The following FARP1 variants were observed in gnomAD, a reference collection of about 807,000 sequenced individuals.
FARP1 encodes FERM, ARHGEF and pleckstrin domain-containing protein 1.
FARP1 carries 52 observed loss-of-function variants against 128.8 expected under a neutral mutation model. That is an observed-to-expected ratio of 0.40 (90% CI 0.32 to 0.51). The LOEUF (loss-of-function observed/expected upper bound fraction) is 0.51, where lower values mean the gene tolerates loss of function less well. FARP1 is among the 20% of genes least tolerant of loss of function. The pLI, the probability that FARP1 is intolerant of heterozygous loss-of-function variation, is 0.45. For synonymous variants in FARP1, 580 were observed against 551.8 expected, an observed-to-expected ratio of 1.05 and a Z score of -0.72; for missense variants, 1,333 against 1,367.9, an observed-to-expected ratio of 0.97 and a Z score of 0.40.
chr13:98,377,800 C>T, intron 5 of FARP1, 21 bp from the exon 6 acceptor site: 1 of 1,601,708 alleles, frequency 6.2e-7, no homozygotes, highest in Non-Finnish European at 8.6e-7. Context: ...GCCTGACGCC[C>T]AGCTCTGTTG....
At chr13:98,333,320 G>T (rs563529487) in intron 2 of FARP1, 3 of 152,070 alleles carry the variant, frequency 2.0e-5, no homozygotes, top group African/African-American at 7.2e-5. Context: ...AATTACTCAA[G>T]ATCAGGAGAT....
intron 1 of FARP1, among the ~76,000 whole-genome samples, chr13:98,178,104 C>G (rs998329809): frequency 6.6e-6 from 1 of 151,850 alleles, no homozygotes; most frequent in African/African-American, 2.4e-5. Flanking sequence ...AAAATATTAT[C>G]AAGCACTTAT....
chr13:98,196,339 C>T (rs1303303884), intron 1 of FARP1, among the ~76,000 whole-genome samples: 1 of 152,162 alleles, frequency 6.6e-6, no homozygotes, highest in Non-Finnish European at 1.5e-5. Flanking sequence ...GGTCCCATGT[C>T]TGCCACTTAC....
intron 1 of FARP1, among the ~76,000 whole-genome samples, chr13:98,151,659 T>C (rs546325726): frequency 1.1e-5 from 1 of 94,968 alleles, no homozygotes; most frequent in African/African-American, 3.4e-5. Context: ...ATATCTTCCA[T>C]CTTTTTTTTT....
chr13:98,373,356 A>C (rs2139994909), intron 5 of FARP1, among the ~76,000 whole-genome samples: 1 of 152,336 alleles, frequency 6.6e-6, no homozygotes, highest in South Asian at 2.1e-4. Context: ...TAAAACATGA[A>C]GCCCTCCTAT....
intron 2 of FARP1, among the ~76,000 whole-genome samples, chr13:98,275,127 T>G (rs1312842277): frequency 6.6e-6 from 1 of 152,226 alleles, no homozygotes; most frequent in African/African-American, 2.4e-5. Context: ...GGTCTGAGGC[T>G]GTGATTTCAC....
intron 2 of FARP1, among the ~76,000 whole-genome samples, chr13:98,238,574 T>A (rs1380703847): frequency 1.4e-4 from 21 of 152,134 alleles, no homozygotes; most frequent in Admixed American, 1.4e-3. Context: ...GAGAAAGGCA[T>A]GTCTTACGTG....
intron 13 of FARP1, chr13:98,398,149 C>G (rs1890627083): frequency 6.6e-6 from 1 of 152,176 alleles, no homozygotes; most frequent in Non-Finnish European, 1.5e-5. Context: ...TGATATCTGT[C>G]CACATGAATG....
In FARP1 at chr13:98,409,273, A is replaced by G. The variant is rs566021867; in HGVS notation, c.1415-65A>G. 44 of 1,284,712 alleles carry G rather than the reference A, an allele frequency of 3.4e-5. No homozygotes were observed. In the South Asian group the frequency reaches 6.0e-4, roughly 17 times the overall value. The allele number at this position is 1,284,712 out of a possible 1,614,324, so 79.6% of individuals were successfully genotyped here. On this transcript the variant is annotated intron_variant, in intron 13 of 26. Transcript: ENST00000319562. ...CGATTTGAAAAAGGTGAAAGTAGTG[A>G]ATAGAAATCAGGTCCCAGAAAAAAA...
chr13:98,228,208 G>T (rs1441894073), intron 2 of FARP1, among the ~76,000 whole-genome samples: 1 of 151,938 alleles, frequency 6.6e-6, no homozygotes, highest in Non-Finnish European at 1.5e-5. Context: ...AAAATACAAA[G>T]AATTAGCTGG....
chr13:98,324,743 C>T (rs1887158652), intron 2 of FARP1, among the ~76,000 whole-genome samples: 1 of 152,188 alleles, frequency 6.6e-6, no homozygotes, highest in Non-Finnish European at 1.5e-5. Context: ...CTCCTTTTCC[C>T]TTTCCCGTTT....
chr13:98,247,579 G>A (rs539892118), intron 2 of FARP1, among the ~76,000 whole-genome samples: 19 of 152,284 alleles, frequency 1.2e-4, no homozygotes, highest in East Asian at 9.7e-4. Flanking sequence ...GAGGGAAGAC[G>A]GAGAAGGATA....
At chr13:98,284,668 C>T (rs1447704212) in intron 2 of FARP1, among the ~76,000 whole-genome samples, 1 of 152,166 alleles carries the variant, frequency 6.6e-6, no homozygotes, top group Non-Finnish European at 1.5e-5. Flanking sequence ...TACTGACTCC[C>T]TTTGTCCCTC....
chr13:98,335,972 A>G (rs947316203), intron 2 of FARP1, among the ~76,000 whole-genome samples: 6 of 152,204 alleles, frequency 3.9e-5, no homozygotes, highest in African/African-American at 1.4e-4. Context: ...GGCTCTCTGT[A>G]ACCCCAGGAG....
At chr13:98,337,196 G>C (rs1411185868) in intron 2 of FARP1, among the ~76,000 whole-genome samples, 1 of 152,004 alleles carries the variant, frequency 6.6e-6, no homozygotes, top group African/African-American at 2.4e-5. Context: ...GCAAGACCTC[G>C]TCTCTACTAA....
At chr13:98,150,103 A>G (rs574305936) in intron 1 of FARP1, among the ~76,000 whole-genome samples, 18 of 150,936 alleles carry the variant, frequency 1.2e-4, no homozygotes, top group African/African-American at 3.9e-4. Context: ...CAGTGACACA[A>G]TCTTGGCGCA....
chr13:98,403,520 A>G (rs9513416), intron 13 of FARP1: 17,255 of 152,260 alleles, frequency 0.11, 1,229 homozygotes, highest in Middle Eastern at 0.17. Context: ...AGATATGTAG[A>G]TACGTGTGTG....
chr13:98,440,311 C>A (rs1892471620), intron 23 of FARP1, 76 bp downstream of exon 23: 9 of 1,060,720 alleles, frequency 8.5e-6, no homozygotes, highest in African/African-American at 4.7e-5. Flanking sequence ...TCTAAAGCCA[C>A]CCCATCGGGT....
intron 1 of FARP1, among the ~76,000 whole-genome samples, chr13:98,170,825 CTTT>C (rs76630506): frequency 0.09 from 13,746 of 152,104 alleles, 795 homozygotes; most frequent in African/African-American, 0.15. Context: ...TTTTCCTCTT[CTTT>C]GTTTTGGATG....
Sources: gnomAD v4.1 joint callset for allele counts (sites outside exome capture counted in the v4.1 genomes callset) on GRCh38, gnomAD v4.1.1 for gene constraint, MANE v1.5 for transcripts, NCBI Gene and HGNC (gene_info 2026-07-23, HGNC 2026-07-21) for gene names.